The following SMAD9 variants were observed in gnomAD, a reference collection of about 807,000 sequenced individuals.
SMAD9 encodes the protein MAD homolog 9.
SMAD9 carries 36 observed loss-of-function variants against 46.1 expected under a neutral mutation model. The observed-to-expected ratio is 0.78, with a 90% confidence interval of 0.60 to 1.03. SMAD9 has a LOEUF of 1.03. SMAD9 is among the 50% of genes least tolerant of loss of function. The pLI is 0.00. For missense variants in SMAD9, 572 were observed against 599.8 expected (o/e 0.95, Z 0.48); for synonymous variants, 245 against 237.1 (o/e 1.03, Z -0.31).
chr13:36,910,617 C>T (rs2058653832), intron 1 of SMAD9, among the ~76,000 whole-genome samples: 1 of 152,320 alleles, frequency 6.6e-6, no homozygotes, highest in Admixed American at 6.5e-5. Context: ...TTTTCACTCC[C>T]TTTGCCCATC....
At chr13:36,860,099 G>A (rs76675276) in intron 5 of SMAD9, among the ~76,000 whole-genome samples, 3,667 of 152,194 alleles carry the variant, frequency 0.024, 143 homozygotes, top group African/African-American at 0.083. Flanking sequence ...TTTACTCTAT[G>A]GATTTGCCTT....
At chr13:36,903,006 G>A (rs1164888940) in intron 1 of SMAD9, among the ~76,000 whole-genome samples, 2 of 152,156 alleles carry the variant, frequency 1.3e-5, no homozygotes, top group East Asian at 1.9e-4. Context: ...TATAAGAAGC[G>A]TGGAAGAAAA....
intron 1 of SMAD9, among the ~76,000 whole-genome samples, chr13:36,902,294 T>A (rs77220255): frequency 0.029 from 4,450 of 152,300 alleles, 197 homozygotes; most frequent in African/African-American, 0.095. Flanking sequence ...GAAATCCTTG[T>A]CAAAAATCAA....
intron 6 of SMAD9, among the ~76,000 whole-genome samples, chr13:36,850,937 A>G (rs1207606555): frequency 3.3e-5 from 5 of 152,146 alleles, no homozygotes; most frequent in Non-Finnish European, 5.9e-5. Context: ...ATCCGCCTTC[A>G]CAATTCAGAA....
chr13:36,869,645 A>G (rs1264641434), intron 3 of SMAD9, among the ~76,000 whole-genome samples: 1 of 149,870 alleles, frequency 6.7e-6, no homozygotes. Flanking sequence ...CCAGCCTAAC[A>G]TGGTGAAACC....
At chr13:36,848,929 A>T (rs1398227824) in intron 6 of SMAD9, 110 bp from the exon 7 acceptor site, 3 of 1,008,584 alleles carry the variant, frequency 3.0e-6, no homozygotes, top group Non-Finnish European at 4.5e-6. Flanking sequence ...GTAGCTCCTG[A>T]GACCTGAGAG....
chr13:36,851,114 T>C (rs948160011), intron 6 of SMAD9, among the ~76,000 whole-genome samples: 2 of 152,178 alleles, frequency 1.3e-5, no homozygotes, highest in African/African-American at 4.8e-5. Context: ...AGTTAGATCA[T>C]GAAAATGCTC....
intron 5 of SMAD9, among the ~76,000 whole-genome samples, chr13:36,860,455 T>C (rs2058170068): frequency 1.3e-5 from 2 of 149,850 alleles, no homozygotes; most frequent in African/African-American, 2.5e-5. Flanking sequence ...TTTTACCTTT[T>C]TTTTTTTTTT....
intron 1 of SMAD9, among the ~76,000 whole-genome samples, chr13:36,896,113 T>G (rs1471419156): frequency 3.0e-5 from 1 of 33,288 alleles, no homozygotes; most frequent in Admixed American, 3.9e-4. Flanking sequence ...TGTTGAGTAT[T>G]TATTTATTTA....
intron 1 of SMAD9, among the ~76,000 whole-genome samples, chr13:36,908,114 G>A (rs2058633011): frequency 6.6e-6 from 1 of 152,182 alleles, no homozygotes; most frequent in Non-Finnish European, 1.5e-5. Flanking sequence ...TTTTGAGGGG[G>A]AGAAGAAAGT....
At chr13:36,855,267 A>AAG (rs2058113289) in intron 5 of SMAD9, among the ~76,000 whole-genome samples, 1 of 151,480 alleles carries the variant, frequency 6.6e-6, no homozygotes, top group East Asian at 1.9e-4. Context: ...AAAAAAAAAA[A>AAG]AAAAAAAAGA....
intron 1 of SMAD9, among the ~76,000 whole-genome samples, chr13:36,917,889 G>A (rs1167231423): frequency 6.6e-6 from 1 of 152,038 alleles, no homozygotes; most frequent in African/African-American, 2.4e-5. Flanking sequence ...TAAACTATTT[G>A]GAAAACATAT....
rs1234143681 is a variant in SMAD9 at position 36,846,750 on chromosome 13, G to T, written c.*1926C>A. 1 of 152,218 alleles carries T rather than the reference G, an allele frequency of 6.6e-6. No homozygotes were observed. Among genetic ancestry groups the T allele is most frequent in the Non-Finnish European group, 1.5e-5 (1 of 68,042 alleles). 9.4% of individuals were successfully genotyped at this position (152,218 alleles called of 1,614,324 possible). A position where few individuals can be genotyped will look rare whatever the true frequency, so the allele number is the denominator to read the frequency against. On this transcript the variant is annotated 3_prime_UTR_variant, in exon 7 of 7. Transcript: ENST00000379826. ...AAGGAATCCATTACCTGACTTTGCA[G>T]AAGAGTAAGGAAATAATTTCAAAAC...
At chr13:36,905,774 C>CAAAAAAAAAAAAAAAAA (rs60358673) in intron 1 of SMAD9, among the ~76,000 whole-genome samples, 3 of 66,452 alleles carry the variant, frequency 4.5e-5, no homozygotes, top group Non-Finnish European at 8.3e-5. Flanking sequence ...GACCCTGTCT[C>CAAAAAAAAAAAAAAAAA]AAAAAAAAAA....
At chr13:36,857,611 T>C (rs1366948508) in intron 5 of SMAD9, among the ~76,000 whole-genome samples, 1 of 152,124 alleles carries the variant, frequency 6.6e-6, no homozygotes, top group Non-Finnish European at 1.5e-5. Flanking sequence ...CCTCTTCTTT[T>C]GCCTTGAATG....
intron 3 of SMAD9, among the ~76,000 whole-genome samples, chr13:36,871,682 A>T (rs901152947): frequency 6.6e-6 from 1 of 152,224 alleles, no homozygotes; most frequent in African/African-American, 2.4e-5. Flanking sequence ...ATTATATAAT[A>T]TAGTGCAACA....
chr13:36,893,301 G>C (rs1210568616), intron 1 of SMAD9, among the ~76,000 whole-genome samples: 3 of 151,548 alleles, frequency 2.0e-5, no homozygotes, highest in Non-Finnish European at 4.4e-5. Flanking sequence ...TTTTTGAAGA[G>C]ATGAATAGAG....
intron 6 of SMAD9, chr13:36,852,500 T>G (rs992249032): frequency 3.2e-5 from 32 of 985,224 alleles, no homozygotes; most frequent in Non-Finnish European, 3.9e-5. Context: ...TCCTTGGTTC[T>G]CCAGCCTTCA....
intron 1 of SMAD9, among the ~76,000 whole-genome samples, chr13:36,893,705 T>A (rs769448569): frequency 7.9e-5 from 12 of 151,738 alleles, no homozygotes; most frequent in Non-Finnish European, 1.5e-4. Flanking sequence ...TCATTTAGTT[T>A]AAAAAGAAAT....
Sources: allele counts gnomAD v4.1 joint callset (sites outside exome capture counted in the v4.1 genomes callset), GRCh38; gene constraint gnomAD v4.1.1; transcripts MANE v1.5; gene names NCBI Gene and HGNC (gene_info 2026-07-23, HGNC 2026-07-21).